RBFOX1: variants seen among roughly 807,000 people sequenced by gnomAD.
RBFOX1 encodes RNA binding protein fox-1 homolog 1.
A neutral mutation model predicts 57.7 loss-of-function variants in RBFOX1; 8 were observed. The ratio of observed to expected loss-of-function variants is 0.14; its 90% CI spans 0.08 to 0.25. The LOEUF is 0.25. Among genes scored for constraint, RBFOX1 ranks in the 10% least tolerant of loss-of-function variants. The pLI, the probability that RBFOX1 is intolerant of heterozygous loss-of-function variation, is 1.00. For synonymous variants in RBFOX1, 326 were observed against 222.4 expected (o/e 1.47, Z -4.15); for missense variants, 611 against 548.5 (o/e 1.11, Z -1.14).
intron 4 of RBFOX1, among the ~76,000 whole-genome samples, chr16:7,095,808 C>G (rs1033416981): frequency 2.0e-5 from 3 of 151,968 alleles, no homozygotes; most frequent in African/African-American, 7.3e-5. Flanking sequence ...GTCAGGAGAT[C>G]GAGACCATCC....
intron 4 of RBFOX1, among the ~76,000 whole-genome samples, chr16:7,403,765 C>T (rs1440034873): frequency 1.3e-5 from 2 of 152,136 alleles, no homozygotes; most frequent in Non-Finnish European, 2.9e-5. Context: ...AGGTTGGTCT[C>T]GAACTCCTGA....
At chr16:6,585,798 TCTC>T (rs1567778982) in intron 2 of RBFOX1, among the ~76,000 whole-genome samples, 1 of 152,288 alleles carries the variant, frequency 6.6e-6, no homozygotes, top group South Asian at 2.1e-4. Flanking sequence ...TCTTTCTTTC[TCTC>T]CTCTTTGACA....
Position 6,023,000 on chromosome 16 carries a change from C to T in RBFOX1, c.-127+3008C>T, listed in dbSNP as rs898550856. Among the ~76,000 whole-genome samples, 9 of 152,122 alleles carry T rather than the reference C, an allele frequency of 5.9e-5. No individual in the cohort carries two copies. The South Asian group carries it at 8.3e-4, about 14-fold the overall frequency. ...CATGAGGGATTCGGGGATCTAAAATCGTCAAACTCATAGAAGCAGAGAGTA... is the reference window on the plus strand; with the variant it reads ...CATGAGGGATTCGGGGATCTAAAATTGTCAAACTCATAGAAGCAGAGAGTA... On this transcript the variant is annotated intron_variant, in intron 1 of 15. Transcript: ENST00000550418.
At chr16:6,240,443 G>C (rs1420778470) in intron 1 of RBFOX1, among the ~76,000 whole-genome samples, 1 of 152,034 alleles carries the variant, frequency 6.6e-6, no homozygotes, top group African/African-American at 2.4e-5. Flanking sequence ...TTGATGCATG[G>C]TGAGGGAGTG....
intron 3 of RBFOX1, among the ~76,000 whole-genome samples, chr16:6,934,987 C>T (rs939106738): frequency 1.3e-5 from 2 of 151,872 alleles, no homozygotes; most frequent in South Asian, 2.1e-4. Flanking sequence ...AGTCGGGAGG[C>T]TGAGATAGGA....
intron 4 of RBFOX1, among the ~76,000 whole-genome samples, chr16:7,323,881 A>G (rs767046505): frequency 1.6e-4 from 25 of 152,208 alleles, no homozygotes; most frequent in Admixed American, 5.2e-4. Context: ...AGATAATCCA[A>G]TAGATAGCAA....
intron 4 of RBFOX1, among the ~76,000 whole-genome samples, chr16:7,151,439 A>C (rs969285389): frequency 2.6e-5 from 4 of 152,110 alleles, no homozygotes; most frequent in Admixed American, 2.0e-4. Context: ...TAATGTCTTT[A>C]CTTGTTCGTC....
intron 3 of RBFOX1, among the ~76,000 whole-genome samples, chr16:5,812,793 A>T (rs2055481326): frequency 6.6e-6 from 1 of 152,140 alleles, no homozygotes; most frequent in South Asian, 2.1e-4. Context: ...ACATTCTTAC[A>T]GGTATATACG....
At chr16:5,688,639 G>C (rs951355094) in intron 3 of RBFOX1, among the ~76,000 whole-genome samples, 1 of 152,120 alleles carries the variant, frequency 6.6e-6, no homozygotes, top group African/African-American at 2.4e-5. Flanking sequence ...GCCTGAACTG[G>C]GTTACATTAA....
chr16:7,219,315 G>C (rs1323895804), intron 4 of RBFOX1, among the ~76,000 whole-genome samples: 1 of 152,196 alleles, frequency 6.6e-6, no homozygotes, highest in Non-Finnish European at 1.5e-5. Flanking sequence ...CAAATAAATA[G>C]AGATGCTTTT....
In RBFOX1 at chr16:5,955,277, G is replaced by A. The variant is rs896565428; in HGVS notation, c.351+87942G>A. Among the ~76,000 whole-genome samples the A allele has an allele frequency of 9.9e-5, 14 of 141,736 alleles. 1 individual carries two copies. The Admixed American group carries it at 1.0e-3, about 10-fold the overall frequency. 93.0% of individuals were successfully genotyped at this position (141,736 alleles called of 152,430 possible). ...GCCTGGGTGACAAGAGTGAGACTCT[G>A]TCTCCCAATAAAATAAAATAAAATA... On this transcript the variant is annotated intron_variant, in intron 4 of 19. Transcript: ENST00000641259.
At chr16:7,408,328 T>G (rs7196063) in intron 4 of RBFOX1, among the ~76,000 whole-genome samples, 1 of 152,138 alleles carries the variant, frequency 6.6e-6, no homozygotes, top group Non-Finnish European at 1.5e-5. Flanking sequence ...AGAAGAACTT[T>G]TAATACGGCG....
chr16:6,747,654 C>G (rs776878338), intron 3 of RBFOX1, among the ~76,000 whole-genome samples: 89 of 152,098 alleles, frequency 5.9e-4, no homozygotes, highest in Non-Finnish European at 1.0e-3. Flanking sequence ...AAGTTGCTAT[C>G]CCACACCACC....
At chr16:7,136,404 A>ATTTTTTTT (rs35623726) in intron 4 of RBFOX1, among the ~76,000 whole-genome samples, 1 of 110,932 alleles carries the variant, frequency 9.0e-6, no homozygotes, top group African/African-American at 3.5e-5. Context: ...TCATCTTGGG[A>ATTTTTTTT]TTTTTTTTTT....
chr16:6,244,156 C>T (rs1271065207), intron 1 of RBFOX1, among the ~76,000 whole-genome samples: 2 of 152,024 alleles, frequency 1.3e-5, no homozygotes, highest in Admixed American at 6.5e-5. Flanking sequence ...CTCCATTATC[C>T]CTTCTAGTCT....
At chr16:7,426,019 G>C (rs982265002) in intron 4 of RBFOX1, among the ~76,000 whole-genome samples, 2 of 152,188 alleles carry the variant, frequency 1.3e-5, no homozygotes, top group African/African-American at 4.8e-5. Context: ...CGGCATCTGG[G>C]CCTCGGATGT....
chr16:7,117,780 A>G lies in RBFOX1; in HGVS notation c.27+65682A>G, dbSNP rs2066236273. 1.3e-5 allele frequency among the ~76,000 whole-genome samples: 2 copies of G among 152,318 alleles called. 1 individual carries two copies. The highest frequency in any genetic ancestry group is 4.1e-4 in the South Asian group (2 of 4,828). On this transcript the variant is annotated intron_variant, in intron 4 of 15. Coordinates refer to ENST00000550418, the MANE Select transcript of RBFOX1 (RefSeq NM_018723.4). Reference sequence around the variant, plus strand: ...AAATCTAATAGACTGCAGTCAGGGTATCAGCCAGGACTGGGTTCTCATTAG... The same window carrying G: ...AAATCTAATAGACTGCAGTCAGGGTGTCAGCCAGGACTGGGTTCTCATTAG...
rs535891559 is a variant in RBFOX1, at chr16:6,389,126, G to T, written c.-64+72069G>T. Among the ~76,000 whole-genome samples, 218 of 152,274 alleles carry T rather than the reference G, an allele frequency of 1.4e-3. 1 individual carries two copies. The highest frequency in any genetic ancestry group is 4.9e-3 in the African/African-American group (203 of 41,548). On this transcript the variant is annotated intron_variant, in intron 2 of 15. Transcript: ENST00000550418. ...CAGCAAAGTTCACACTGTGGCAGGGGTGCTCATCAGTACGTTCAGTTCATG... is the reference window on the plus strand; with the variant it reads ...CAGCAAAGTTCACACTGTGGCAGGGTTGCTCATCAGTACGTTCAGTTCATG...
intron 1 of RBFOX1, among the ~76,000 whole-genome samples, chr16:6,119,941 C>T (rs2096536333): frequency 6.6e-6 from 1 of 152,200 alleles, no homozygotes. Flanking sequence ...ACTCTTATTC[C>T]TTCTCCTCTG....
Sources: gnomAD v4.1 joint callset for allele counts (sites outside exome capture counted in the v4.1 genomes callset) on GRCh38, gnomAD v4.1.1 for gene constraint, MANE v1.5 for transcripts, NCBI Gene and HGNC (gene_info 2026-07-23, HGNC 2026-07-21) for gene names.